Variants in PTPRN2 observed in about 807,000 individuals in gnomAD.
The protein encoded by PTPRN2 is protein tyrosine phosphatase receptor type N2, also known as receptor-type tyrosine-protein phosphatase N2.
In PTPRN2, 74 loss-of-function variants were observed where a neutral mutation model predicts 118.8. The observed-to-expected ratio is 0.62, with a 90% CI of 0.52 to 0.76. The LOEUF (loss-of-function observed/expected upper bound fraction) is 0.76. Ranked by LOEUF, PTPRN2 falls within the 30% of genes least tolerant of loss-of-function variation. The probability of loss-of-function intolerance (pLI) is 0.00; values close to 1 mark genes in which losing one functional copy is unlikely to be tolerated. For synonymous variants in PTPRN2, 641 were observed against 608.0 expected (o/e 1.05, Z -0.80); for missense variants, 1,481 against 1,394.4 (o/e 1.06, Z -0.99).
At chr7:158,527,987 A>C (rs1006336175) in intron 1 of PTPRN2, among the ~76,000 whole-genome samples, 1 of 152,126 alleles carries the variant, frequency 6.6e-6, no homozygotes, top group Non-Finnish European at 1.5e-5. Flanking sequence ...ATCCCGCCCG[A>C]CACACAGCAG....
rs35071475 is a variant in PTPRN2, at chr7:157,583,883, AACACACACACACAC to A, written c.2497-5757_2497-5744del. Among the ~76,000 whole-genome samples, 2,961 of 134,240 alleles carry A rather than the reference AACACACACACACAC, an allele frequency of 0.022. 90 individuals carry two copies. The highest frequency in any genetic ancestry group is 0.07 in the African/African-American group (2,491 of 35,618). 88.1% of individuals were successfully genotyped at this position (134,240 alleles called of 152,430 possible). ...GGTGACAGAGCGAGACTCTGTCTCA[AACACACACACACAC>A]ACACACACACACACACACACACACA... is the stretch of plus-strand genomic sequence containing the variant. On this transcript the variant is annotated intron_variant, in intron 17 of 22. Coordinates refer to ENST00000389418, the MANE Select transcript of PTPRN2 (RefSeq NM_002847.5). The surrounding 1 kb of genome is among the most constrained non-coding windows in gnomAD (Gnocchi z 5.5).
rs183452302 is a variant in PTPRN2, at chr7:158,556,514, C to G, written c.112+31044G>C. ...GTTGCAGTGAGCCGAGACCACACCACTGCACTCCAGCCTGGGCGACAGAGC... is the reference window on the plus strand; with the variant it reads ...GTTGCAGTGAGCCGAGACCACACCAGTGCACTCCAGCCTGGGCGACAGAGC... On this transcript the variant is annotated intron_variant, in intron 1 of 22. Coordinates refer to ENST00000389418, the MANE Select transcript of PTPRN2 (RefSeq NM_002847.5). Among the ~76,000 whole-genome samples the G allele has an allele frequency of 9.3e-5, 14 of 151,114 alleles. No homozygotes were observed. The East Asian group carries it at 2.5e-3, about 27-fold the overall frequency.
At chr7:157,684,377 A>AAGGGGG (rs1329568005) in intron 12 of PTPRN2, among the ~76,000 whole-genome samples, 1 of 134,930 alleles carries the variant, frequency 7.4e-6, no homozygotes, top group Non-Finnish European at 1.6e-5. Flanking sequence ...GAGGGAAGGA[A>AAGGGGG]AGGGGGAGGG....
chr7:157,580,770 ACCTGCACACCCGAGCC>A (rs1800324226), intron 17 of PTPRN2, among the ~76,000 whole-genome samples: 3 of 64,746 alleles, frequency 4.6e-5, no homozygotes, highest in Non-Finnish European at 9.0e-5. Flanking sequence ...ACACCCCAGC[ACCTGCACACCCGAGCC>A]CCTGCACACC....
chr7:157,542,194 C>A (rs564310697), intron 22 of PTPRN2, among the ~76,000 whole-genome samples: 1 of 152,206 alleles, frequency 6.6e-6, no homozygotes, highest in Non-Finnish European at 1.5e-5. Context: ...ATGCTGACTC[C>A]TGCCCCTCCC....
At chr7:157,960,223 A>AC (rs1801436042) in intron 11 of PTPRN2, among the ~76,000 whole-genome samples, 1 of 152,214 alleles carries the variant, frequency 6.6e-6, no homozygotes, top group Non-Finnish European at 1.5e-5. Context: ...TTTCAGTTTG[A>AC]GAAAATGAAC....
At chr7:158,238,517 T>C (rs538841670) in intron 3 of PTPRN2, among the ~76,000 whole-genome samples, 11 of 152,332 alleles carry the variant, frequency 7.2e-5, no homozygotes, top group Middle Eastern at 3.4e-3. Flanking sequence ...TCACGGTTTC[T>C]GTATCACCCA....
chr7:157,657,226 CCACA>C (rs547693194), intron 13 of PTPRN2, among the ~76,000 whole-genome samples: 12 of 97,942 alleles, frequency 1.2e-4, no homozygotes, highest in African/African-American at 4.0e-4. Flanking sequence ...CACACATACG[CCACA>C]CACACACACC....
In PTPRN2 at chr7:157,802,980, T is replaced by C. The variant is rs138365738; in HGVS notation, c.1788+95693A>G. ...CATTTTATTTTATTATTATTACTTTTTGGAGATGGAGTCTTGCTCTGTCAT... is the reference window on the plus strand; with the variant it reads ...CATTTTATTTTATTATTATTACTTTCTGGAGATGGAGTCTTGCTCTGTCAT... On this transcript the variant is annotated intron_variant, in intron 12 of 22. Coordinates refer to ENST00000389418, the MANE Select transcript of PTPRN2 (RefSeq NM_002847.5). Among the ~76,000 whole-genome samples the C allele has an allele frequency of 4.2e-3, 642 of 152,340 alleles. 5 individuals are homozygous for C. Among genetic ancestry groups the C allele is most frequent in the African/African-American group, 0.014 (597 of 41,574 alleles).
At chr7:158,351,050 C>T (rs549306874) in intron 2 of PTPRN2, among the ~76,000 whole-genome samples, 1 of 152,312 alleles carries the variant, frequency 6.6e-6, no homozygotes, top group South Asian at 2.1e-4. Flanking sequence ...CCAGAGCCCA[C>T]AGTTATCCCA....
chr7:157,906,604 T>C (rs1435499540), intron 11 of PTPRN2, among the ~76,000 whole-genome samples: 2 of 150,500 alleles, frequency 1.3e-5, no homozygotes, highest in African/African-American at 4.9e-5. Flanking sequence ...AGAAATAGCC[T>C]GCCAGTCACT....
At chr7:158,334,673 T>A (rs1345112031) in intron 2 of PTPRN2, among the ~76,000 whole-genome samples, 36 of 75,400 alleles carry the variant, frequency 4.8e-4, no homozygotes, top group Non-Finnish European at 8.0e-4. Context: ...CCTGCAGACG[T>A]CACTCACACC....
intron 3 of PTPRN2, among the ~76,000 whole-genome samples, chr7:158,238,075 G>C (rs192467517): frequency 6.6e-6 from 1 of 152,308 alleles, no homozygotes; most frequent in East Asian, 1.9e-4. Flanking sequence ...CAGTGCAGCC[G>C]CGGCCTCCTG....
chr7:157,895,943 C>T (rs775336273), intron 12 of PTPRN2, among the ~76,000 whole-genome samples: 3 of 152,002 alleles, frequency 2.0e-5, no homozygotes. Context: ...GCAGGAGGCC[C>T]GCGTGAAAGA....
At chr7:158,081,970 G>A (rs1274472519) in intron 10 of PTPRN2, among the ~76,000 whole-genome samples, 5 of 152,026 alleles carry the variant, frequency 3.3e-5, no homozygotes, top group Non-Finnish European at 5.9e-5. Context: ...GACCCCATAT[G>A]CAGTAGAAAC....
chr7:158,148,452 T>G (rs62480228), intron 6 of PTPRN2, among the ~76,000 whole-genome samples: 1,370 of 10,318 alleles, frequency 0.13, no homozygotes, highest in South Asian at 0.24. Flanking sequence ...CCCCATCTCA[T>G]GCCACACGTC....
intron 22 of PTPRN2, among the ~76,000 whole-genome samples, chr7:157,542,466 G>A (rs767504582): frequency 6.7e-6 from 1 of 150,340 alleles, no homozygotes; most frequent in East Asian, 1.9e-4. Context: ...CCGCCCCGCA[G>A]CCCCATCATG....
Position 157,813,608 on chromosome 7 carries a change from G to A in PTPRN2, c.1788+85065C>T, listed in dbSNP as rs1439555958. Among the ~76,000 whole-genome samples, 1 of 152,044 alleles carries A rather than the reference G, an allele frequency of 6.6e-6. No homozygotes were observed. The highest frequency in any genetic ancestry group is 6.5e-5 in the Admixed American group (1 of 15,272). On this transcript the variant is annotated intron_variant, in intron 12 of 22. Coordinates refer to ENST00000389418, the MANE Select transcript of PTPRN2 (RefSeq NM_002847.5). This position sits in a 1 kb window ranked among gnomAD's most constrained non-coding sequence, Gnocchi z 4.7. ...GACAAGATGCCCACGAATGATAAGCGCCTTTGCTGCCTCTGGGCGGGTCCG... is the reference window on the plus strand; with the variant it reads ...GACAAGATGCCCACGAATGATAAGCACCTTTGCTGCCTCTGGGCGGGTCCG...
intron 3 of PTPRN2, among the ~76,000 whole-genome samples, chr7:158,232,634 GAC>G (rs1829237908): frequency 6.9e-6 from 1 of 145,152 alleles, no homozygotes. Context: ...GAAAAGACAA[GAC>G]AAAAAAAAAG....
Sources: gnomAD v4.1 joint callset for allele counts (sites outside exome capture counted in the v4.1 genomes callset) on GRCh38, gnomAD v4.1.1 for gene constraint, Gnocchi (gnomAD v3.1) non-coding constraint, MANE v1.5 for transcripts, NCBI Gene and HGNC (gene_info 2026-07-23, HGNC 2026-07-21) for gene names.